Variants in SLC2A9 observed in about 807,000 individuals in gnomAD.
SLC2A9 encodes solute carrier family 2 member 9.
In SLC2A9, 39 loss-of-function variants were observed where a neutral mutation model predicts 50.6. The ratio of observed to expected loss-of-function variants is 0.77; its 90% CI spans 0.60 to 1.01. The LOEUF is 1.01. SLC2A9 is among the 50% of genes least tolerant of loss of function. The probability of loss-of-function intolerance (pLI) is 0.00; values close to 1 mark genes in which losing one functional copy is unlikely to be tolerated. For synonymous variants in SLC2A9, 324 were observed against 276.9 expected (o/e 1.17, Z -1.69); for missense variants, 686 against 677.6 (o/e 1.01, Z -0.14).
At chr4:9,806,544 T>C (rs1338477115) in intron 3 of SLC2A9, among the ~76,000 whole-genome samples, 2 of 152,252 alleles carry the variant, frequency 1.3e-5, no homozygotes, top group African/African-American at 2.4e-5. Flanking sequence ...GCGATATTTC[T>C]GTGTGTGTCT....
intron 2 of SLC2A9, among the ~76,000 whole-genome samples, chr4:10,017,382 T>C (rs1301890072): frequency 6.6e-6 from 1 of 152,102 alleles, no homozygotes; most frequent in Non-Finnish European, 1.5e-5. Flanking sequence ...CAAAGACAAA[T>C]ATCGACAAGC....
In SLC2A9 at chr4:9,887,656, G is replaced by C. The variant is rs1440711353; in HGVS notation, c.1216-14C>G. The C allele has an allele frequency of 1.3e-6, 2 of 1,504,960 alleles. No homozygotes were observed. Among genetic ancestry groups the C allele is most frequent in the South Asian group, 1.3e-5 (1 of 74,748 alleles). 93.2% of individuals were successfully genotyped at this position (1,504,960 alleles called of 1,614,324 possible). ...GGGGGCGTGGTCCTGGGAGAGAACA[G>C]GGAGTGGTCAGGTGAGGAGGTGATG... On this transcript the variant is annotated splice_polypyrimidine_tract_variant and intron_variant, in intron 9 of 11. Transcript: ENST00000264784.
intron 6 of SLC2A9, among the ~76,000 whole-genome samples, chr4:9,934,995 T>G (rs1414949924): frequency 6.6e-6 from 1 of 152,242 alleles, no homozygotes; most frequent in Non-Finnish European, 1.5e-5. Flanking sequence ...TCTAATTCCT[T>G]TTTATGGCTA....
At chr4:9,878,086 T>C (rs1734582860) in intron 10 of SLC2A9, among the ~76,000 whole-genome samples, 1 of 152,088 alleles carries the variant, frequency 6.6e-6, no homozygotes, top group African/African-American at 2.4e-5. Flanking sequence ...ACTGTCTTGC[T>C]CATCCTTTTA....
intron 3 of SLC2A9, among the ~76,000 whole-genome samples, chr4:9,817,375 C>T (rs143599426): frequency 9.2e-5 from 14 of 152,330 alleles, no homozygotes; most frequent in Non-Finnish European, 1.3e-4. Flanking sequence ...GCACCTTCTA[C>T]GTATGTGCCA....
At chr4:9,917,182 A>G (rs770303659) in intron 7 of SLC2A9, among the ~76,000 whole-genome samples, 8 of 152,198 alleles carry the variant, frequency 5.3e-5, no homozygotes, top group Non-Finnish European at 1.2e-4. Context: ...AAGTCACTTT[A>G]AGCGACAGGT....
intron 5 of SLC2A9, among the ~76,000 whole-genome samples, chr4:9,942,429 G>C (rs925384320): frequency 6.6e-6 from 1 of 152,172 alleles, no homozygotes; most frequent in Admixed American, 6.5e-5. Context: ...GCTGCCCCAA[G>C]AATGGAGCCT....
chr4:9,907,381 C>A (rs960384196), intron 8 of SLC2A9, among the ~76,000 whole-genome samples: 1 of 152,222 alleles, frequency 6.6e-6, no homozygotes, highest in African/African-American at 2.4e-5. Flanking sequence ...CTGGAAATTT[C>A]TACTAGGTTC....
intron 5 of SLC2A9, among the ~76,000 whole-genome samples, chr4:9,967,250 C>A (rs1039346355): frequency 6.6e-6 from 1 of 152,026 alleles, no homozygotes; most frequent in Non-Finnish European, 1.5e-5. Context: ...CATCAGGTTG[C>A]AAAATAATCA....
chr4:9,845,788 T>C (rs989944682), intron 10 of SLC2A9, among the ~76,000 whole-genome samples: 3 of 152,212 alleles, frequency 2.0e-5, no homozygotes, highest in Admixed American at 6.5e-5. Flanking sequence ...GAAATTTCCT[T>C]AAGTGTATCC....
chr4:9,813,022 G>A (rs1723085734), intron 3 of SLC2A9, among the ~76,000 whole-genome samples: 1 of 152,138 alleles, frequency 6.6e-6, no homozygotes, highest in African/African-American at 2.4e-5. Context: ...TGTTCTTTGG[G>A]TTTCATAACC....
At chr4:9,956,588 A>G (rs1751331802) in intron 5 of SLC2A9, among the ~76,000 whole-genome samples, 1 of 152,170 alleles carries the variant, frequency 6.6e-6, no homozygotes, top group Non-Finnish European at 1.5e-5. Context: ...CTTTGTTACC[A>G]GCGGCGTTCA....
chr4:9,867,830 A>G (rs190691145), intron 10 of SLC2A9, among the ~76,000 whole-genome samples: 1 of 152,214 alleles, frequency 6.6e-6, no homozygotes, highest in Non-Finnish European at 1.5e-5. Flanking sequence ...CTGCCCCCCT[A>G]TGCAGGGGAC....
intron 3 of SLC2A9, among the ~76,000 whole-genome samples, chr4:9,992,633 C>T (rs917790729): frequency 6.6e-6 from 1 of 152,228 alleles, no homozygotes; most frequent in African/African-American, 2.4e-5. Flanking sequence ...CTTATACCTC[C>T]ATGGGAGAGA....
chr4:9,962,828 CTTG>C (rs539068092), intron 5 of SLC2A9, among the ~76,000 whole-genome samples: 127 of 152,340 alleles, frequency 8.3e-4, no homozygotes, highest in African/African-American at 2.9e-3. Context: ...CACCTCATCA[CTTG>C]TTGTCACCTC....
At chr4:9,851,480 A>G (rs1213317579) in intron 10 of SLC2A9, among the ~76,000 whole-genome samples, 1 of 152,222 alleles carries the variant, frequency 6.6e-6, no homozygotes, top group African/African-American at 2.4e-5. Flanking sequence ...GATGAGAAAG[A>G]ACCAGTGCAA....
chr4:9,811,985 GC>G (rs527820926), intron 3 of SLC2A9, among the ~76,000 whole-genome samples: 98 of 152,298 alleles, frequency 6.4e-4, no homozygotes, highest in East Asian at 4.4e-3. Flanking sequence ...CTGTACATTA[GC>G]CTTACAAGAC....
intron 1 of SLC2A9, chr4:10,034,551 G>A (rs1764037320): frequency 6.6e-6 from 1 of 152,354 alleles, no homozygotes; most frequent in African/African-American, 2.4e-5. Context: ...AGCCTGTTGT[G>A]AGCAGTGCAG....
At chr4:9,944,783 T>C (rs1025566630) in intron 5 of SLC2A9, among the ~76,000 whole-genome samples, 6 of 152,178 alleles carry the variant, frequency 3.9e-5, no homozygotes, top group African/African-American at 7.2e-5. Flanking sequence ...CCTGGAGATA[T>C]TAGCTGGCTG....
Sources: allele counts gnomAD v4.1 joint callset (sites outside exome capture counted in the v4.1 genomes callset), GRCh38; gene constraint gnomAD v4.1.1; transcripts MANE v1.5; gene names NCBI Gene and HGNC (gene_info 2026-07-23, HGNC 2026-07-21).